DENND1B: variants seen among roughly 807,000 people sequenced by gnomAD.
DENND1B encodes DENN domain containing 1B.
DENND1B carries 59 observed loss-of-function variants against 90.1 expected under a neutral mutation model. That is an observed-to-expected ratio of 0.65 (90% CI 0.53 to 0.81). The LOEUF is 0.81. Among genes scored for constraint, DENND1B ranks in the 40% least tolerant of loss-of-function variants. The pLI is 0.00. For synonymous variants in DENND1B, 337 were observed against 324.6 expected, an observed-to-expected ratio of 1.04 and a Z score of -0.41; for missense variants, 862 against 912.6, an observed-to-expected ratio of 0.94 and a Z score of 0.71.
intron 3 of DENND1B, among the ~76,000 whole-genome samples, chr1:197,691,260 CAA>C (rs35506280): frequency 7.9e-4 from 86 of 108,460 alleles, no homozygotes; most frequent in African/African-American, 7.2e-4. Context: ...AACTTAACAG[CAA>C]AAAAAAAAAA....
At chr1:197,769,695 TAC>T (rs144051993) in intron 2 of DENND1B, among the ~76,000 whole-genome samples, 3,557 of 152,268 alleles carry the variant, frequency 0.023, 138 homozygotes, top group African/African-American at 0.081. Flanking sequence ...TCCTAATTTA[TAC>T]ATTTTGTTTT....
intron 3 of DENND1B, among the ~76,000 whole-genome samples, chr1:197,705,041 C>A (rs1199797810): frequency 6.6e-6 from 1 of 152,072 alleles, no homozygotes; most frequent in African/African-American, 2.4e-5. Context: ...ACATAAAGCA[C>A]CTAGTATAGT....
At chr1:197,556,744 G>A (rs1671751471) in intron 15 of DENND1B, among the ~76,000 whole-genome samples, 1 of 151,848 alleles carries the variant, frequency 6.6e-6, no homozygotes, top group African/African-American at 2.4e-5. Flanking sequence ...ACCTTATGCG[G>A]TATTGCAAAG....
chr1:197,747,723 C>T (rs1652888369), intron 2 of DENND1B, among the ~76,000 whole-genome samples: 1 of 152,182 alleles, frequency 6.6e-6, no homozygotes, highest in African/African-American at 2.4e-5. Context: ...AAAAAGCAGG[C>T]ATGCTTACTG....
At chr1:197,687,580 A>G (rs1180908882) in intron 3 of DENND1B, among the ~76,000 whole-genome samples, 1 of 152,220 alleles carries the variant, frequency 6.6e-6, no homozygotes, top group Non-Finnish European at 1.5e-5. Context: ...AAGATCTCTT[A>G]ATAGATGCAG....
At chr1:197,754,081 C>A (rs531472907) in intron 2 of DENND1B, among the ~76,000 whole-genome samples, 12 of 151,154 alleles carry the variant, frequency 7.9e-5, no homozygotes, top group Non-Finnish European at 1.3e-4. Flanking sequence ...CTAAAAAAAA[C>A]CTGTAAATTA....
intron 13 of DENND1B, 79 bp from the exon 14 acceptor site, chr1:197,595,412 C>A: frequency 6.4e-7 from 1 of 1,558,110 alleles, no homozygotes; most frequent in South Asian, 1.2e-5. Flanking sequence ...AGCAGGCAAA[C>A]CACAGTGTCT....
chr1:197,552,099 G>A (rs1671286218), intron 16 of DENND1B, among the ~76,000 whole-genome samples: 1 of 151,690 alleles, frequency 6.6e-6, no homozygotes, highest in South Asian at 2.1e-4. Context: ...ATGTGTAGAT[G>A]AGTACTTATT....
At chr1:197,599,038 T>C (rs1675963280) in intron 13 of DENND1B, among the ~76,000 whole-genome samples, 1 of 151,786 alleles carries the variant, frequency 6.6e-6, no homozygotes, top group African/African-American at 2.4e-5. Flanking sequence ...CGCTGGGAAT[T>C]CACTGCAGCA....
chr1:197,630,777 C>A (rs1220922092), intron 10 of DENND1B, among the ~76,000 whole-genome samples: 3 of 151,940 alleles, frequency 2.0e-5, no homozygotes, highest in African/African-American at 7.3e-5. Context: ...GTCAATTGCC[C>A]AAGATTACTA....
At chr1:197,684,069 G>A (rs1656978419) in intron 3 of DENND1B, among the ~76,000 whole-genome samples, 3 of 152,182 alleles carry the variant, frequency 2.0e-5, no homozygotes, top group Admixed American at 2.0e-4. Context: ...AGCACCATCA[G>A]AATCAATTTG....
chr1:197,779,166 TC>T (rs922394365), upstream of DENND1B, among the ~76,000 whole-genome samples: 3 of 152,218 alleles, frequency 2.0e-5, no homozygotes, highest in African/African-American at 7.2e-5. Flanking sequence ...TATTTATTTA[TC>T]CCTCACTCTT....
intron 16 of DENND1B, among the ~76,000 whole-genome samples, chr1:197,547,211 T>C (rs1408285931): frequency 6.6e-6 from 1 of 151,774 alleles, no homozygotes; most frequent in South Asian, 2.1e-4. Flanking sequence ...AAGGTTGCAG[T>C]GTGCTAAGAT....
chr1:197,653,573 T>G (rs901043925), intron 6 of DENND1B, among the ~76,000 whole-genome samples: 1 of 152,106 alleles, frequency 6.6e-6, no homozygotes, highest in Non-Finnish European at 1.5e-5. Flanking sequence ...AGTACTACAA[T>G]TACAGATTTA....
intron 5 of DENND1B, among the ~76,000 whole-genome samples, chr1:197,664,010 T>TACACACAC (rs10638441): frequency 6.7e-6 from 1 of 149,568 alleles, no homozygotes; most frequent in South Asian, 2.1e-4. Context: ...AACACACACA[T>TACACACAC]ACACACACAC....
intron 10 of DENND1B, among the ~76,000 whole-genome samples, chr1:197,636,954 T>C (rs1417781773): frequency 1.3e-5 from 2 of 151,812 alleles, no homozygotes; most frequent in Non-Finnish European, 2.9e-5. Context: ...TTGAATGGGA[T>C]GTCAACAATG....
intron 7 of DENND1B, among the ~76,000 whole-genome samples, chr1:197,651,946 C>T (rs912300558): frequency 2.0e-5 from 3 of 151,994 alleles, no homozygotes; most frequent in African/African-American, 4.8e-5. Context: ...CATGAGCCAC[C>T]GGGCCCAGCC....
rs1178471455 is a variant in DENND1B at position 197,511,928 on chromosome 1, C to T, written c.1615G>A (p.Gly539Ser). 1 of 1,604,290 alleles carries T rather than the reference C, an allele frequency of 6.2e-7. No individual in the cohort carries two copies. Among genetic ancestry groups the T allele is most frequent in the African/African-American group, 1.3e-5 (1 of 74,452 alleles). Residue 539 changes from glycine (G) to serine (S), a missense_variant, in exon 22 of 23, where the codon GGT (glycine) becomes AGT (serine). Transcript: ENST00000620048. ...TAGAGATAAGCAGAAGCTTCTTCAC[C>T]ATCTTCAGAAGATAACCTGAAGAAA... ...ERASKLSSED[G>S]EEASAYLYES...
chr1:197,723,195 AT>A (rs34955891), intron 2 of DENND1B, among the ~76,000 whole-genome samples: 1 of 152,234 alleles, frequency 6.6e-6, no homozygotes, highest in Non-Finnish European at 1.5e-5. Flanking sequence ...TAGATATAAC[AT>A]TTTGCTACAT....
Sources: allele counts gnomAD v4.1 joint callset (sites outside exome capture counted in the v4.1 genomes callset), GRCh38; gene constraint gnomAD v4.1.1; transcripts MANE v1.5; gene names NCBI Gene and HGNC (gene_info 2026-07-23, HGNC 2026-07-21).